Variants in IGSF10 observed in about 807,000 individuals in gnomAD.
IGSF10 encodes the protein calvaria mechanical force protein 608.
Under a neutral mutation model 128.2 loss-of-function variants are expected in IGSF10, and 126 were observed. The observed-to-expected ratio is 0.98, with a 90% CI of 0.85 to 1.14. IGSF10 has a LOEUF of 1.14. Among genes scored for constraint, IGSF10 ranks in the 50% most tolerant of loss-of-function variants. The pLI is 0.00. For missense variants in IGSF10, 3,295 were observed against 3,149.8 expected (o/e 1.05, Z -1.10); for synonymous variants, 1,185 against 1,146.2 (o/e 1.03, Z -0.68).
At chr3:151,467,468 T>C in the IGSF10 span, among the ~76,000 whole-genome samples, 1 of 152,148 alleles carries the variant, frequency 6.6e-6, no homozygotes, top group Non-Finnish European at 1.5e-5. Context: ...TACCAATTTA[T>C]TCACATGATA....
chr3:151,472,754 G>A, the IGSF10 span, among the ~76,000 whole-genome samples: 5 of 152,218 alleles, frequency 3.3e-5, no homozygotes, highest in South Asian at 2.1e-4. Context: ...CTTTTGCCAG[G>A]TAAAGGAAAC....
the IGSF10 span, among the ~76,000 whole-genome samples, chr3:151,589,971 A>G: frequency 6.6e-6 from 1 of 152,300 alleles, no homozygotes; most frequent in Admixed American, 6.5e-5. Flanking sequence ...TTTTTTAAGA[A>G]TAAAATAAAA....
chr3:151,479,320 A>G, the IGSF10 span, among the ~76,000 whole-genome samples: 1 of 152,306 alleles, frequency 6.6e-6, no homozygotes, highest in South Asian at 2.1e-4. Context: ...TTGAAAACAA[A>G]TGTTTCTTTC....
the IGSF10 span, among the ~76,000 whole-genome samples, chr3:151,495,872 C>G: frequency 6.6e-6 from 1 of 152,066 alleles, no homozygotes; most frequent in East Asian, 1.9e-4. Flanking sequence ...ACATCTGCAC[C>G]AGGCTGAATA....
At chr3:151,507,679 G>A in the IGSF10 span, among the ~76,000 whole-genome samples, 1 of 152,122 alleles carries the variant, frequency 6.6e-6, no homozygotes, top group Non-Finnish European at 1.5e-5. Flanking sequence ...CAGATCTCAT[G>A]AGAACTCACT....
chr3:151,564,474 A>G, the IGSF10 span, among the ~76,000 whole-genome samples: 1 of 151,724 alleles, frequency 6.6e-6, no homozygotes, highest in East Asian at 1.9e-4. Flanking sequence ...TTCTTTGACA[A>G]CATTTACAAA....
At chr3:151,463,796 G>A (rs1271359800), upstream of IGSF10, among the ~76,000 whole-genome samples, 2 of 151,808 alleles carry the variant, frequency 1.3e-5, no homozygotes, top group Non-Finnish European at 2.9e-5. Context: ...GACCAGCCTG[G>A]TCAACATGGT....
chr3:151,515,728 T>A, the IGSF10 span, among the ~76,000 whole-genome samples: 1 of 5,224 alleles, frequency 1.9e-4, no homozygotes, highest in East Asian at 0.011. Flanking sequence ...ATTACGTGTG[T>A]GTGTGTGTGT....
chr3:151,440,616 C>T (rs1384286218), intron 7 of IGSF10: 2 of 456,622 alleles, frequency 4.4e-6, no homozygotes, highest in Non-Finnish European at 8.8e-6. Flanking sequence ...CGCTTTCCAC[C>T]ATGCTATACT....
chr3:151,529,704 G>C, the IGSF10 span, among the ~76,000 whole-genome samples: 1 of 152,068 alleles, frequency 6.6e-6, no homozygotes, highest in African/African-American at 2.4e-5. Flanking sequence ...ACATCCAAAG[G>C]TTACCAACAT....
Position 151,458,641 on chromosome 3 carries a change from G to T in IGSF10, c.69C>A (p.Thr23=). The T allele has an allele frequency of 6.2e-7, 1 of 1,614,154 alleles. No individual in the cohort carries two copies. The highest frequency in any genetic ancestry group is 8.5e-7 in the Non-Finnish European group (1 of 1,180,014). Residue 23 remains threonine (T), a synonymous_variant, in exon 3 of 8, where the codon ACC becomes ACA. Transcript: ENST00000282466. ...VSFAVICLVA[T]PGGKACPRRC... ...GGCGAGGACAGGCCTTGCCCCCAGG[G>T]GTGGCGACCAGGCAGATCACAGCAA...
chr3:151,548,670 T>C, the IGSF10 span, among the ~76,000 whole-genome samples: 1 of 152,224 alleles, frequency 6.6e-6, no homozygotes, highest in Non-Finnish European at 1.5e-5. Flanking sequence ...TGTGAAAATA[T>C]TCATATCTTT....
the IGSF10 span, among the ~76,000 whole-genome samples, chr3:151,571,247 G>GT: frequency 6.6e-6 from 1 of 152,172 alleles, no homozygotes; most frequent in African/African-American, 2.4e-5. Context: ...CTTTAAGGTG[G>GT]TTTTTTCCAA....
At chr3:151,617,314 TTCTTCC>T in the IGSF10 span, among the ~76,000 whole-genome samples, 1,084 of 122,504 alleles carry the variant, frequency 8.8e-3, 46 homozygotes, top group African/African-American at 0.019. Context: ...CTTCTTCTTC[TTCTTCC>T]CCTCCTCCTC....
At chr3:151,519,194 T>C in the IGSF10 span, among the ~76,000 whole-genome samples, 1 of 151,904 alleles carries the variant, frequency 6.6e-6, no homozygotes, top group Non-Finnish European at 1.5e-5. Context: ...TTCTTGTTCA[T>C]GTGTCTGTGG....
the IGSF10 span, among the ~76,000 whole-genome samples, chr3:151,603,803 T>G: frequency 1.8e-3 from 279 of 152,342 alleles, 2 homozygotes; most frequent in African/African-American, 6.3e-3. Context: ...TAGAAAGAAC[T>G]GATGTTTCAG....
chr3:151,535,097 G>A, the IGSF10 span, among the ~76,000 whole-genome samples: 585 of 151,920 alleles, frequency 3.9e-3, 2 homozygotes, highest in African/African-American at 0.013. Context: ...AGGTTTTTGA[G>A]AGAACTAAAT....
At chr3:151,449,764 C>A (rs1229176014) in intron 5 of IGSF10, among the ~76,000 whole-genome samples, 1 of 152,098 alleles carries the variant, frequency 6.6e-6, no homozygotes, top group African/African-American at 2.4e-5. Flanking sequence ...TTTCCATTAT[C>A]CAAAAGAATA....
the IGSF10 span, among the ~76,000 whole-genome samples, chr3:151,585,352 T>G: frequency 3.9e-4 from 59 of 152,348 alleles, no homozygotes; most frequent in African/African-American, 1.4e-3. Flanking sequence ...TCTTGCATTA[T>G]ATTTTAATGG....
Sources: allele counts gnomAD v4.1 joint callset (sites outside exome capture counted in the v4.1 genomes callset), GRCh38; gene constraint gnomAD v4.1.1; transcripts MANE v1.5; gene names NCBI Gene and HGNC (gene_info 2026-07-23, HGNC 2026-07-21).